The following SRRM1 variants were observed in gnomAD, a reference collection of about 807,000 sequenced individuals.
The protein encoded by SRRM1 is serine/arginine repetitive matrix protein 1.
SRRM1 carries 19 observed loss-of-function variants against 110.2 expected under a neutral mutation model. The ratio of observed to expected loss-of-function variants is 0.17; its 90% CI spans 0.12 to 0.25. The LOEUF is 0.25. Among genes scored for constraint, SRRM1 ranks in the 10% least tolerant of loss-of-function variants. SRRM1 has a pLI of 1.00. For synonymous variants in SRRM1, 443 were observed against 414.9 expected, an observed-to-expected ratio of 1.07 and a Z score of -0.82; for missense variants, 918 against 1,145.8, an observed-to-expected ratio of 0.80 and a Z score of 2.87.
At chr1:24,651,185 G>C (rs1570739264) in intron 5 of SRRM1, among the ~76,000 whole-genome samples, 1 of 152,262 alleles carries the variant, frequency 6.6e-6, no homozygotes, top group East Asian at 1.9e-4. Context: ...TCCCAAGTTA[G>C]TGCTTTTCTC....
chr1:24,661,517 A>T (rs1297600472), intron 11 of SRRM1, 121 bp downstream of exon 11: 4 of 637,690 alleles, frequency 6.3e-6, no homozygotes, highest in African/African-American at 1.9e-5. Flanking sequence ...CTGTCTGAGG[A>T]GGCAGGATTG....
chr1:24,658,922 G>A (rs896775570), intron 9 of SRRM1, among the ~76,000 whole-genome samples: 2 of 152,128 alleles, frequency 1.3e-5, no homozygotes, highest in South Asian at 2.1e-4. Flanking sequence ...CGCTGGGCGC[G>A]GTGGCTCACG....
At chr1:24,657,295 G>T (rs986834792) in intron 9 of SRRM1, among the ~76,000 whole-genome samples, 3 of 152,208 alleles carry the variant, frequency 2.0e-5, no homozygotes, top group Non-Finnish European at 4.4e-5. Context: ...TCAAGAAACA[G>T]ATTTTCAGGT....
chr1:24,669,604 C>T lies in SRRM1; in HGVS notation c.2204+17C>T. ...GATAAAAAAGTAAAAATATTTTATG[C>T]TTTTCCATTAGGAATACTTACATAG... is the stretch of plus-strand genomic sequence containing the variant. On this transcript the variant is annotated intron_variant, in intron 14 of 16. Coordinates refer to ENST00000323848, the MANE Select transcript of SRRM1 (RefSeq NM_005839.4). The T allele has an allele frequency of 6.6e-7, 1 of 1,514,458 alleles. No homozygotes were observed. The highest frequency in any genetic ancestry group is 8.9e-7 in the Non-Finnish European group (1 of 1,120,226). 93.8% of individuals were successfully genotyped at this position (1,514,458 alleles called of 1,614,324 possible).
intron 9 of SRRM1, among the ~76,000 whole-genome samples, chr1:24,657,658 A>G (rs996274586): frequency 6.6e-6 from 1 of 152,176 alleles, no homozygotes; most frequent in African/African-American, 2.4e-5. Context: ...CTTACAGGTT[A>G]ATTATTTGGA....
intron 6 of SRRM1, 60 bp downstream of exon 6, chr1:24,651,672 AT>A: frequency 8.1e-7 from 1 of 1,238,966 alleles, no homozygotes; most frequent in Non-Finnish European, 1.1e-6. Flanking sequence ...GTGACTGCAA[AT>A]ATGACATCTG....
In SRRM1 at chr1:24,661,348, G is replaced by C; in HGVS notation, c.1435G>C (p.Val479Leu). 1.2e-6 allele frequency: 2 copies of C among 1,613,596 alleles called. No homozygotes were observed. ...KGGKMAAADSVQQRRQYRRQN... is the reference protein window; with the variant it reads ...KGGKMAAADSLQQRRQYRRQN... ...TGGCAAAATGGCTGCAGCAGATTCTGTGCAGCAGAGACGCCAATACAGACG... is the reference window on the plus strand; with the variant it reads ...TGGCAAAATGGCTGCAGCAGATTCTCTGCAGCAGAGACGCCAATACAGACG... Residue 479 changes from valine to leucine, a missense_variant, in exon 11 of 17, where the codon GTG (valine) becomes CTG (leucine). Coordinates refer to ENST00000323848, the MANE Select transcript of SRRM1 (RefSeq NM_005839.4).
intron 8 of SRRM1, among the ~76,000 whole-genome samples, chr1:24,653,486 A>G (rs1225895344): frequency 6.6e-6 from 1 of 152,184 alleles, no homozygotes; most frequent in Non-Finnish European, 1.5e-5. Context: ...TATAGAAGTA[A>G]TGAAGCTTAT....
intron 12 of SRRM1, 162 bp from the exon 13 acceptor site, chr1:24,666,653 T>C: frequency 1.8e-6 from 1 of 557,628 alleles, no homozygotes; most frequent in Non-Finnish European, 3.2e-6. Flanking sequence ...TAATCCCAAC[T>C]ACTCAGGAGG....
In SRRM1 at chr1:24,672,237, A is replaced by T; in HGVS notation, c.2666A>T (p.Glu889Val). The T allele has an allele frequency of 6.2e-7, 1 of 1,610,460 alleles. No homozygotes were observed. Among genetic ancestry groups the T allele is most frequent in the Non-Finnish European group, 8.5e-7 (1 of 1,178,154 alleles). The change falls in exon 17 of 17, where the codon GAA becomes GTA. Residue 889 changes from glutamate to valine, a missense_variant. Coordinates refer to ENST00000323848, the MANE Select transcript of SRRM1 (RefSeq NM_005839.4). Reference sequence around the variant, plus strand: ...GATGATTTAGAAAAGCACCTGCGTGAAAAGGCCCTGAGATCAATGAGGAAG... The same window carrying T: ...GATGATTTAGAAAAGCACCTGCGTGTAAAGGCCCTGAGATCAATGAGGAAG... ...NLDDLEKHLR[E>V]KALRSMRKAQ...
rs201110421 is a variant in SRRM1, at chr1:24,652,527, G to A, written c.819G>A (p.Lys273=). The change falls in exon 7 of 17, where the codon AAG becomes AAA. Residue 273 remains lysine (K), a synonymous_variant. Coordinates refer to ENST00000323848, the MANE Select transcript of SRRM1 (RefSeq NM_005839.4). The stretch of plus-strand genomic sequence containing the variant: ...CCAAAAAAGAAAAGGAGAAGGAGAA[G>A]ACCCGACCACGATCTCGGTCACGCT... ...KNSKKEKEKE[K]TRPRSRSRSK... The A allele has an allele frequency of 6.2e-7, 1 of 1,612,210 alleles. No individual in the cohort carries two copies. Among genetic ancestry groups the A allele is most frequent in the African/African-American group, 1.3e-5 (1 of 74,600 alleles).
At position 24,670,230 on chromosome 1, in the gene SRRM1, A is replaced by C; in HGVS notation, c.2315A>C (p.Gln772Pro). Reference sequence around the variant, plus strand: ...CCCCCAGCACCTCCATCCCCCGTCCAGTCTCAGTCACCGTCTACAAACTGG... The same window carrying C: ...CCCCCAGCACCTCCATCCCCCGTCCCGTCTCAGTCACCGTCTACAAACTGG... ...KKPPAPPSPV[Q>P]SQSPSTNWSP... Residue 772 changes from glutamine (Q) to proline (P), a missense_variant, in exon 15 of 17, where the codon CAG becomes CCG. Around this residue, in one of 5 missense-constraint regions of SRRM1, gnomAD observed 357 missense variants for 402.9 expected, o/e 0.89. Coordinates refer to ENST00000323848, the MANE Select transcript of SRRM1 (RefSeq NM_005839.4). 1 of 1,614,106 alleles carries C rather than the reference A, an allele frequency of 6.2e-7. No homozygotes were observed. The highest frequency in any genetic ancestry group is 8.5e-7 in the Non-Finnish European group (1 of 1,180,006).
intron 9 of SRRM1, among the ~76,000 whole-genome samples, chr1:24,656,520 A>G (rs1664201262): frequency 1.3e-5 from 2 of 152,180 alleles, no homozygotes; most frequent in South Asian, 4.1e-4. Context: ...AACCTCATGT[A>G]CCATACTGCT....
intron 9 of SRRM1, among the ~76,000 whole-genome samples, chr1:24,657,334 A>G (rs1325107438): frequency 6.6e-6 from 1 of 152,254 alleles, no homozygotes; most frequent in African/African-American, 2.4e-5. Flanking sequence ...TCAACCAACT[A>G]GGAATAAAAC....
In SRRM1 at chr1:24,646,064, A is replaced by G. The variant is rs751758895; in HGVS notation, c.102A>G (p.Leu34=). ...AGCAGCTGAAATTTGCAGAATGCCTAGAAAAAAAGGTATTCTTCTGGATGA... is the reference window on the plus strand; with the variant it reads ...AGCAGCTGAAATTTGCAGAATGCCTGGAAAAAAAGGTATTCTTCTGGATGA... ...LLKQLKFAEC[L]EKKVDMSKVN... Residue 34 remains leucine, a synonymous_variant, in exon 2 of 17, where the codon CTA becomes CTG. Transcript: ENST00000323848. 2.5e-6 allele frequency: 4 copies of G among 1,611,654 alleles called. No homozygotes were observed. The highest frequency in any genetic ancestry group is 2.2e-5 in the South Asian group (2 of 91,000).
intron 9 of SRRM1, among the ~76,000 whole-genome samples, chr1:24,655,521 C>T (rs544182551): frequency 6.6e-6 from 1 of 151,914 alleles, no homozygotes; most frequent in Non-Finnish European, 1.5e-5. Flanking sequence ...TTCATATTCT[C>T]TTTTAGTTCT....
In SRRM1 at chr1:24,672,934, C is replaced by T. The variant is rs187864833; in HGVS notation, c.*648C>T. 1 of 152,544 alleles carries T rather than the reference C, an allele frequency of 6.6e-6. No individual in the cohort carries two copies. Among genetic ancestry groups the T allele is most frequent in the Admixed American group, 6.5e-5 (1 of 15,294 alleles). 9.4% of individuals were successfully genotyped at this position (152,544 alleles called of 1,614,324 possible). ...ATGTGTAACAAGTTGATTTGGAACA[C>T]TGGACTCTCATTCTGTTATTCTGGT... On this transcript the variant is annotated 3_prime_UTR_variant, in exon 17 of 17. Coordinates refer to ENST00000323848, the MANE Select transcript of SRRM1 (RefSeq NM_005839.4).
intron 16 of SRRM1, 26 bp from the exon 17 acceptor site, chr1:24,672,155 TA>T (rs1673131689): frequency 6.4e-7 from 1 of 1,561,816 alleles, no homozygotes; most frequent in Non-Finnish European, 8.8e-7. Context: ...TCTCAAGACT[TA>T]ACCGTGTAAA....
At chr1:24,665,989 A>T (rs1669794241) in intron 12 of SRRM1, among the ~76,000 whole-genome samples, 1 of 152,184 alleles carries the variant, frequency 6.6e-6, no homozygotes, top group African/African-American at 2.4e-5. Flanking sequence ...GCCACTTGTG[A>T]CTATTGGCAT....
Sources: gnomAD v4.1 joint callset for allele counts (sites outside exome capture counted in the v4.1 genomes callset) on GRCh38, gnomAD v4.1.1 for gene constraint, gnomAD v4.1.1 regional missense constraint, MANE v1.5 for transcripts, NCBI Gene and HGNC (gene_info 2026-07-23, HGNC 2026-07-21) for gene names.